PAGE4: variants seen among roughly 807,000 people sequenced by gnomAD.
PAGE4 encodes the protein PAGE family member 4.
In PAGE4, 1 loss-of-function variant was observed where a neutral mutation model predicts 8.5. The ratio of observed to expected loss-of-function variants is 0.12; its 90% CI spans 0.04 to 0.56. The LOEUF is 0.56. Among genes scored for constraint, PAGE4 ranks in the 20% least tolerant of loss-of-function variants. The probability of loss-of-function intolerance (pLI) is 0.91; values close to 1 mark genes in which losing one functional copy is unlikely to be tolerated. For synonymous variants in PAGE4, 26 were observed against 26.3 expected, an observed-to-expected ratio of 0.99 and a Z score of 0.04; for missense variants, 93 against 82.7, an observed-to-expected ratio of 1.13 and a Z score of -0.49.
At chrX:49,832,704 A>G in intron 4 of PAGE4, 54 bp downstream of exon 4, 1 of 1,016,033 alleles carries the variant, frequency 9.8e-7, no homozygotes, top group Admixed American at 2.9e-5. Flanking sequence ...TCTATAATAT[A>G]CTTTAATAAC....
chrX:49,830,252 C>T (rs1569535282), intron 1 of PAGE4, 147 bp from the exon 2 acceptor site: 1 of 372,844 alleles, frequency 2.7e-6, no homozygotes, highest in Non-Finnish European at 4.6e-6. Flanking sequence ...AAGCAGTTTG[C>T]AGATAGATTT....
rs1201804388 is a variant in PAGE4, at chrX:49,830,956, C to T, written c.79-41C>T. On this transcript the variant is annotated intron_variant, in intron 2 of 4. Transcript: ENST00000218068. Reference sequence around the variant, plus strand: ...ACTTCTATTGCCATGATATTAATAACAATATTCTATTTGCATCTACTCTCC... The same window carrying T: ...ACTTCTATTGCCATGATATTAATAATAATATTCTATTTGCATCTACTCTCC... The T allele has an allele frequency of 4.6e-6, 4 of 877,733 alleles. No individual in the cohort carries two copies. The African/African-American group carries it at 6.0e-5, about 13-fold the overall frequency. The allele number at this position is 877,733 out of a possible 1,213,427, so 72.3% of individuals were successfully genotyped here.
At chrX:49,832,381 T>C in intron 3 of PAGE4, 144 bp from the exon 4 acceptor site, 1 of 409,570 alleles carries the variant, frequency 2.4e-6, no homozygotes, top group Non-Finnish European at 4.2e-6. Context: ...ATAATATTCT[T>C]CCCCATTTTC....
At chrX:49,833,206 A>G (rs1923531146) in intron 4 of PAGE4, among the ~76,000 whole-genome samples, 1 of 111,714 alleles carries the variant, frequency 9.0e-6, no homozygotes, top group South Asian at 3.7e-4. Flanking sequence ...CCAACCATGT[A>G]ATTTTTATCA....
At chrX:49,833,231 C>T (rs985176856) in intron 4 of PAGE4, among the ~76,000 whole-genome samples, 1 of 111,540 alleles carries the variant, frequency 9.0e-6, no homozygotes, top group Non-Finnish European at 1.9e-5. Flanking sequence ...AATCAGGACA[C>T]TTTTGAGAGG....
rs1557156736 is a variant in PAGE4, at chrX:49,832,522, A to G, written c.167-3A>G. 3.5e-6 allele frequency: 4 copies of G among 1,152,511 alleles called. No individual in the cohort carries two copies. The highest frequency in any genetic ancestry group is 6.1e-5 in the East Asian group (2 of 32,934). The allele number at this position is 1,152,511 out of a possible 1,213,427, so 95.0% of individuals were successfully genotyped here. On this transcript the variant is annotated splice_region_variant and splice_polypyrimidine_tract_variant and intron_variant, in intron 3 of 4. Coordinates refer to ENST00000218068, the MANE Select transcript of PAGE4 (RefSeq NM_007003.4). ...ATATCAATAACTTTTTTATTTATAT[A>G]AGAACGTAAAGTAGAAGGTGATTGC...
Position 49,830,521 on chromosome X carries a change from G to A in PAGE4, c.78+15G>A. ...CATTCGTGGCTGTGAGTACATTTCA[G>A]TATCTTATTTCCATTGGCAGAAATG... On this transcript the variant is annotated intron_variant, in intron 2 of 4. Transcript: ENST00000218068. 5 of 1,099,631 alleles carry A rather than the reference G, an allele frequency of 4.5e-6. No homozygotes were observed. Among genetic ancestry groups the A allele is most frequent in the Non-Finnish European group, 6.2e-6 (5 of 801,429 alleles). The allele number at this position is 1,099,631 out of a possible 1,213,427, so 90.6% of individuals were successfully genotyped here.
chrX:49,833,908 A>G lies in PAGE4; in HGVS notation c.*46A>G, dbSNP rs782444781. On this transcript the variant is annotated 3_prime_UTR_variant, in exon 5 of 5. Transcript: ENST00000218068. The stretch of plus-strand genomic sequence containing the variant: ...AAGCTACACACATGGCTGATGTCAC[A>G]TTGAAAATGTGACTGAAAATTTGAA... 10 of 1,046,665 alleles carry G rather than the reference A, an allele frequency of 9.6e-6. No individual in the cohort carries two copies. The highest frequency in any genetic ancestry group is 1.3e-5 in the Non-Finnish European group (10 of 758,510). 86.3% of individuals were successfully genotyped at this position (1,046,665 alleles called of 1,213,427 possible).
At chrX:49,833,495 G>T (rs1343322044) in intron 4 of PAGE4, among the ~76,000 whole-genome samples, 1 of 111,979 alleles carries the variant, frequency 8.9e-6, no homozygotes, top group East Asian at 2.8e-4. Context: ...TTGCTTGCTT[G>T]TTTTTTGCTT....
Sources: gnomAD v4.1 joint callset for allele counts (sites outside exome capture counted in the v4.1 genomes callset) on GRCh38, gnomAD v4.1.1 for gene constraint, MANE v1.5 for transcripts, NCBI Gene and HGNC (gene_info 2026-07-23, HGNC 2026-07-21) for gene names.